Variants in DGKI observed in about 807,000 individuals in gnomAD.
DGKI encodes DAG kinase iota.
DGKI carries 55 observed loss-of-function variants against 147.5 expected under a neutral mutation model. The ratio of observed to expected loss-of-function variants is 0.37; its 90% confidence interval spans 0.30 to 0.47. The LOEUF (loss-of-function observed/expected upper bound fraction) is 0.47. Among genes scored for constraint, DGKI ranks in the 20% least tolerant of loss-of-function variants. The pLI is 1.00. For synonymous variants in DGKI, 469 were observed against 477.1 expected, an observed-to-expected ratio of 0.98 and a Z score of 0.22; for missense variants, 1,007 against 1,323.8, an observed-to-expected ratio of 0.76 and a Z score of 3.71.
chr7:137,656,180 G>A (rs1822213333), intron 4 of DGKI, among the ~76,000 whole-genome samples: 1 of 152,254 alleles, frequency 6.6e-6, no homozygotes, highest in Non-Finnish European at 1.5e-5. Flanking sequence ...CTTGAACTGA[G>A]ATGATATAAT....
At chr7:137,489,179 T>C (rs1488904173) in intron 21 of DGKI, among the ~76,000 whole-genome samples, 1 of 152,142 alleles carries the variant, frequency 6.6e-6, no homozygotes, top group African/African-American at 2.4e-5. Context: ...GTGGATTGTT[T>C]ACCTTCACTT....
In DGKI at chr7:137,645,540, G is replaced by A; in HGVS notation, c.739-3C>T. 1 of 1,611,134 alleles carries A rather than the reference G, an allele frequency of 6.2e-7. No individual in the cohort carries two copies. On this transcript the variant is annotated splice_polypyrimidine_tract_variant and splice_region_variant and intron_variant, in intron 5 of 32. Coordinates refer to ENST00000614521, the MANE Select transcript of DGKI (RefSeq NM_001321708.2). Reference sequence around the variant, plus strand: ...ACCCAGTGATGACGTACAAAATTCTGTGGGAAAACAAAATTAAATGAATAT... The same window carrying A: ...ACCCAGTGATGACGTACAAAATTCTATGGGAAAACAAAATTAAATGAATAT...
intron 20 of DGKI, among the ~76,000 whole-genome samples, chr7:137,525,280 T>C (rs1817104427): frequency 6.6e-6 from 1 of 152,142 alleles, no homozygotes. Flanking sequence ...GCTCCCATCT[T>C]TTCCCAACAA....
intron 31 of DGKI, chr7:137,395,910 C>T (rs1342853829): frequency 1.9e-6 from 1 of 521,880 alleles, no homozygotes; most frequent in East Asian, 2.9e-5. Flanking sequence ...ACTCTAGCCC[C>T]CTTTCCAAAT....
At chr7:137,477,524 T>C (rs1815214705) in intron 23 of DGKI, among the ~76,000 whole-genome samples, 1 of 152,222 alleles carries the variant, frequency 6.6e-6, no homozygotes, top group Admixed American at 6.5e-5. Flanking sequence ...AGAGTGATAA[T>C]TTTTAAAGAC....
intron 1 of DGKI, among the ~76,000 whole-genome samples, chr7:137,723,563 G>A (rs1456223018): frequency 6.6e-6 from 1 of 152,092 alleles, no homozygotes; most frequent in African/African-American, 2.4e-5. Context: ...GCTTGAGATA[G>A]CTTACTGCCT....
In DGKI at chr7:137,770,769, G is replaced by C. The variant is rs975879680; in HGVS notation, c.401+75693C>G. 8.0e-5 allele frequency among the ~76,000 whole-genome samples: 4 copies of C among 49,904 alleles called. 2 individuals are homozygous for C. The African/African-American group carries it at 1.8e-3, about 22-fold the overall frequency. 32.7% of individuals were successfully genotyped at this position (49,904 alleles called of 152,430 possible). On this transcript the variant is annotated intron_variant, in intron 1 of 32. Coordinates refer to ENST00000614521, the MANE Select transcript of DGKI (RefSeq NM_001321708.2). Reference sequence around the variant, plus strand: ...GGGATGGTCTCGATCTCCTGACCTCGTGATCCGCCCGCCTCGGCCTCCCAA... The same window carrying C: ...GGGATGGTCTCGATCTCCTGACCTCCTGATCCGCCCGCCTCGGCCTCCCAA...
intron 6 of DGKI, among the ~76,000 whole-genome samples, chr7:137,642,466 T>A (rs1300771459): frequency 6.6e-6 from 1 of 152,196 alleles, no homozygotes; most frequent in African/African-American, 2.4e-5. Context: ...CCATCCCCCA[T>A]GCTTTTCACA....
chr7:137,572,650 C>A (rs965212282), intron 18 of DGKI, 115 bp downstream of exon 18: 1 of 673,812 alleles, frequency 1.5e-6, no homozygotes, highest in Non-Finnish European at 2.6e-6. Flanking sequence ...TCTTTAATTA[C>A]CCATTTAGAT....
intron 19 of DGKI, among the ~76,000 whole-genome samples, chr7:137,554,538 T>C (rs2128967584): frequency 6.6e-6 from 1 of 152,322 alleles, no homozygotes; most frequent in South Asian, 2.1e-4. Flanking sequence ...ACCATAGCTC[T>C]CCTTTGCACT....
intron 27 of DGKI, among the ~76,000 whole-genome samples, chr7:137,448,015 T>C (rs1813781049): frequency 6.6e-6 from 1 of 152,162 alleles, no homozygotes; most frequent in Non-Finnish European, 1.5e-5. Context: ...CAAACCATCA[T>C]ACATGAAGAA....
chr7:137,670,836 A>G (rs1298603994), intron 3 of DGKI, among the ~76,000 whole-genome samples: 6 of 152,214 alleles, frequency 3.9e-5, no homozygotes, highest in African/African-American at 1.4e-4. Context: ...CTGCTGTGCC[A>G]GACAACTGGC....
intron 21 of DGKI, among the ~76,000 whole-genome samples, chr7:137,511,946 CT>C (rs1030862662): frequency 2.0e-5 from 3 of 152,162 alleles, no homozygotes; most frequent in Non-Finnish European, 2.9e-5. Context: ...CCAAAGGTCC[CT>C]GTGGGAGTCC....
At chr7:137,523,735 G>A (rs1477914380) in intron 20 of DGKI, among the ~76,000 whole-genome samples, 1 of 152,148 alleles carries the variant, frequency 6.6e-6, no homozygotes, top group Non-Finnish European at 1.5e-5. Flanking sequence ...TAAAGCCGAA[G>A]CATTTAAGTT....
At position 137,588,475 on chromosome 7, in the gene DGKI, C is replaced by CGT. The variant is rs1554437479; in HGVS notation, c.1312-1266_1312-1265insAC. On this transcript the variant is annotated intron_variant, in intron 12 of 32. Coordinates refer to ENST00000614521, the MANE Select transcript of DGKI (RefSeq NM_001321708.2). ...TAACACAAAGATGGACATACCGATG[C>CGT]TTTTTTTTTTTTTTTTTTTGAGATG... Among the ~76,000 whole-genome samples, 5 of 116,694 alleles carry CGT rather than the reference C, an allele frequency of 4.3e-5. 1 individual carries two copies. Among genetic ancestry groups the CGT allele is most frequent in the South Asian group, 6.1e-4 (2 of 3,302 alleles). 76.6% of individuals were successfully genotyped at this position (116,694 alleles called of 152,430 possible).
chr7:137,491,378 T>C (rs918545561), intron 21 of DGKI, among the ~76,000 whole-genome samples: 1 of 152,094 alleles, frequency 6.6e-6, no homozygotes, highest in Admixed American at 6.5e-5. Flanking sequence ...CCTTACTTTC[T>C]AGGAAAAACA....
At chr7:137,819,316 T>G (rs3778821) in intron 1 of DGKI, among the ~76,000 whole-genome samples, 13,611 of 150,814 alleles carry the variant, frequency 0.09, 1,738 homozygotes, top group African/African-American at 0.29. Context: ...CAAGGGAATT[T>G]TTTTTTTTTT....
chr7:137,580,317 C>G (rs893331910), intron 15 of DGKI, among the ~76,000 whole-genome samples: 5 of 152,042 alleles, frequency 3.3e-5, no homozygotes, highest in African/African-American at 1.2e-4. Flanking sequence ...CATGTACTTC[C>G]CAAATTAACT....
intron 21 of DGKI, among the ~76,000 whole-genome samples, chr7:137,511,544 C>T (rs1159087142): frequency 6.6e-6 from 1 of 152,202 alleles, no homozygotes; most frequent in African/African-American, 2.4e-5. Context: ...AAGAGAAACA[C>T]TTCAGAGCTA....
Sources: allele counts gnomAD v4.1 joint callset (sites outside exome capture counted in the v4.1 genomes callset), GRCh38; gene constraint gnomAD v4.1.1; transcripts MANE v1.5; gene names NCBI Gene and HGNC (gene_info 2026-07-23, HGNC 2026-07-21).